PTPRD: variants seen among roughly 807,000 people sequenced by gnomAD.
PTPRD encodes the protein receptor-type tyrosine-protein phosphatase delta.
A neutral mutation model predicts 214.5 loss-of-function variants in PTPRD; 34 were observed. The observed-to-expected ratio is 0.16, with a 90% CI of 0.12 to 0.21. The LOEUF (loss-of-function observed/expected upper bound fraction) is 0.21, where lower values mean the gene tolerates loss of function less well. Among genes scored for constraint, PTPRD ranks in the 10% least tolerant of loss-of-function variants. The probability of loss-of-function intolerance (pLI) is 1.00; values close to 1 mark genes in which losing one functional copy is unlikely to be tolerated. For synonymous variants in PTPRD, 1,128 were observed against 845.7 expected (o/e 1.33, Z -5.79); for missense variants, 2,545 against 2,398.7 (o/e 1.06, Z -1.27).
At chr9:9,638,338 T>C (rs147065686) in intron 7 of PTPRD, among the ~76,000 whole-genome samples, 1 of 152,290 alleles carries the variant, frequency 6.6e-6, no homozygotes, top group East Asian at 1.9e-4. Context: ...AATATCCTGG[T>C]TCATCACTCT....
chr9:9,917,931 G>A (rs920579927), intron 5 of PTPRD, among the ~76,000 whole-genome samples: 7 of 151,902 alleles, frequency 4.6e-5, no homozygotes, highest in South Asian at 2.1e-4. Flanking sequence ...TCAGCATAAT[G>A]GAGGTCATAT....
chr9:10,396,938 T>C (rs566591988), intron 2 of PTPRD, among the ~76,000 whole-genome samples: 2 of 152,086 alleles, frequency 1.3e-5, no homozygotes, highest in East Asian at 3.9e-4. Flanking sequence ...AGGCTCTTAA[T>C]ACATACAGTC....
intron 3 of PTPRD, among the ~76,000 whole-genome samples, chr9:10,193,703 A>C (rs555570235): frequency 6.6e-6 from 1 of 152,304 alleles, no homozygotes; most frequent in Non-Finnish European, 1.5e-5. Flanking sequence ...TTCTTGTAGC[A>C]AAGGTTCTCC....
At chr9:9,674,997 A>C (rs1267622932) in intron 7 of PTPRD, among the ~76,000 whole-genome samples, 1 of 151,872 alleles carries the variant, frequency 6.6e-6, no homozygotes. Context: ...GATACATAGA[A>C]TTCTAGATAA....
intron 3 of PTPRD, among the ~76,000 whole-genome samples, chr9:10,118,737 G>T (rs1264657562): frequency 6.6e-6 from 1 of 151,492 alleles, no homozygotes; most frequent in Non-Finnish European, 1.5e-5. Flanking sequence ...CTAATCGTTG[G>T]TATCTCAACA....
At chr9:10,175,374 A>C (rs930874103) in intron 3 of PTPRD, among the ~76,000 whole-genome samples, 7 of 152,092 alleles carry the variant, frequency 4.6e-5, no homozygotes, top group African/African-American at 1.7e-4. Context: ...TTATTATTTG[A>C]GTCTCATCCT....
intron 4 of PTPRD, among the ~76,000 whole-genome samples, chr9:10,018,305 T>C (rs4560848): frequency 0.43 from 64,952 of 151,590 alleles, 16,469 homozygotes; most frequent in Middle Eastern, 0.61. Flanking sequence ...CTATCTCTTT[T>C]ATATATTCCA....
chr9:8,821,448 C>A (rs768896056), intron 11 of PTPRD, among the ~76,000 whole-genome samples: 4 of 152,162 alleles, frequency 2.6e-5, no homozygotes, highest in South Asian at 2.1e-4. Context: ...ACTTCTACTG[C>A]GGTTTGTTTC....
intron 20 of PTPRD, among the ~76,000 whole-genome samples, chr9:8,520,687 A>G (rs892334714): frequency 2.6e-5 from 4 of 152,072 alleles, no homozygotes; most frequent in Middle Eastern, 3.2e-3. Flanking sequence ...TACTTTGGTT[A>G]TATTTAGTCT....
intron 14 of PTPRD, 141 bp downstream of exon 14, chr9:8,633,176 A>T: frequency 1.9e-6 from 2 of 1,045,326 alleles, no homozygotes; most frequent in Non-Finnish European, 2.7e-6. Flanking sequence ...TCCACTGTCT[A>T]ATTAAAGTTC....
chr9:10,077,744 G>T (rs2098157437), intron 3 of PTPRD, among the ~76,000 whole-genome samples: 1 of 151,690 alleles, frequency 6.6e-6, no homozygotes, highest in Admixed American at 6.6e-5. Flanking sequence ...AAGAACCTTT[G>T]GTATTTGTTT....
intron 7 of PTPRD, among the ~76,000 whole-genome samples, chr9:9,575,765 AAAAGAAAAAG>A (rs1486180537): frequency 3.2e-5 from 4 of 123,590 alleles, no homozygotes; most frequent in African/African-American, 6.7e-5. Flanking sequence ...GAAAAAGAAA[AAAAGAAAAAG>A]AAAGAAAAAG....
At chr9:8,493,918 G>C (rs1003856323) in intron 26 of PTPRD, among the ~76,000 whole-genome samples, 1 of 151,720 alleles carries the variant, frequency 6.6e-6, no homozygotes, top group East Asian at 1.9e-4. Context: ...GCTTATTCTA[G>C]TATTTTAAGA....
At chr9:8,805,734 A>G (rs1275014976) in intron 11 of PTPRD, among the ~76,000 whole-genome samples, 2 of 151,292 alleles carry the variant, frequency 1.3e-5, no homozygotes, top group Admixed American at 6.6e-5. Flanking sequence ...GGTGGGTCAC[A>G]CCTGTAATTC....
At chr9:9,362,695 A>C in intron 9 of PTPRD, among the ~76,000 whole-genome samples, 1 of 151,266 alleles carries the variant, frequency 6.6e-6, no homozygotes, top group Admixed American at 6.6e-5. Flanking sequence ...TGCCAATAGA[A>C]TAACTATCCA....
chr9:8,480,899 GGGAGGCTGAGGGGTT>G (rs1333050243), intron 30 of PTPRD, among the ~76,000 whole-genome samples: 1 of 152,102 alleles, frequency 6.6e-6, no homozygotes, highest in Non-Finnish European at 1.5e-5. Flanking sequence ...CCAGCACTTT[GGGAGGCTGAGGGGTT>G]GGATCACGAG....
At chr9:10,351,962 C>G (rs928699591) in intron 2 of PTPRD, among the ~76,000 whole-genome samples, 1 of 151,914 alleles carries the variant, frequency 6.6e-6, no homozygotes, top group African/African-American at 2.4e-5. Context: ...TCAGTATTAG[C>G]TATGTATGCC....
At chr9:9,871,639 T>G (rs2065467924) in intron 5 of PTPRD, among the ~76,000 whole-genome samples, 1 of 150,942 alleles carries the variant, frequency 6.6e-6, no homozygotes, top group African/African-American at 2.5e-5. Flanking sequence ...CAACCTAACC[T>G]CCTTGGGCCC....
intron 8 of PTPRD, among the ~76,000 whole-genome samples, chr9:9,480,677 A>G (rs775498524): frequency 6.6e-6 from 1 of 152,158 alleles, no homozygotes; most frequent in Non-Finnish European, 1.5e-5. Context: ...AAAAATATAT[A>G]CCATATATTT....
Sources: allele counts gnomAD v4.1 joint callset (sites outside exome capture counted in the v4.1 genomes callset), GRCh38; gene constraint gnomAD v4.1.1; transcripts MANE v1.5; gene names NCBI Gene and HGNC (gene_info 2026-07-23, HGNC 2026-07-21).